Variants in ZNF385D observed in about 807,000 individuals in gnomAD.
The protein encoded by ZNF385D is zinc finger protein 385D.
In ZNF385D, 15 loss-of-function variants were observed where a neutral mutation model predicts 35.8. That is an observed-to-expected ratio of 0.42 (90% CI 0.28 to 0.64). ZNF385D has a LOEUF of 0.64. ZNF385D is among the 30% of genes least tolerant of loss of function. ZNF385D has a pLI of 0.23. For missense variants in ZNF385D, 474 were observed against 494.6 expected (o/e 0.96, Z 0.39); for synonymous variants, 212 against 186.8 (o/e 1.13, Z -1.10).
At chr3:21,563,236 G>C (rs1392932008) in intron 3 of ZNF385D, 1 of 152,258 alleles carries the variant, frequency 6.6e-6, no homozygotes, top group East Asian at 1.9e-4. Context: ...AATATGCCAT[G>C]TGGGAACCAG....
At chr3:22,227,573 G>T (rs1325779785) in intron 2 of ZNF385D, among the ~76,000 whole-genome samples, 1 of 152,072 alleles carries the variant, frequency 6.6e-6, no homozygotes, top group East Asian at 1.9e-4. Context: ...AAGTGAGGTA[G>T]GATGCAGAAC....
intron 3 of ZNF385D, among the ~76,000 whole-genome samples, chr3:22,125,828 T>C (rs1165946666): frequency 6.6e-6 from 1 of 152,110 alleles, no homozygotes; most frequent in Non-Finnish European, 1.5e-5. Flanking sequence ...AGTCTTTAGG[T>C]ATTTCCAAAT....
intron 3 of ZNF385D, among the ~76,000 whole-genome samples, chr3:21,909,664 A>C (rs1295919616): frequency 6.6e-6 from 1 of 152,054 alleles, no homozygotes; most frequent in East Asian, 1.9e-4. Context: ...TAGCAGGAAT[A>C]GCATAGGCTT....
intron 2 of ZNF385D, among the ~76,000 whole-genome samples, chr3:22,257,886 T>C (rs530962345): frequency 9.2e-5 from 14 of 151,974 alleles, no homozygotes; most frequent in African/African-American, 2.9e-4. Flanking sequence ...TCTAGTGATA[T>C]TTTTAAAAAA....
intron 3 of ZNF385D, among the ~76,000 whole-genome samples, chr3:21,540,430 A>C (rs1393952484): frequency 6.6e-6 from 1 of 152,220 alleles, no homozygotes; most frequent in Admixed American, 6.5e-5. Flanking sequence ...ATGTGCACTG[A>C]TGAGCTGATC....
chr3:21,643,438 C>A (rs2065662544), intron 2 of ZNF385D, among the ~76,000 whole-genome samples: 2 of 152,194 alleles, frequency 1.3e-5, no homozygotes, highest in Middle Eastern at 3.4e-3. Context: ...ACCCTAACAC[C>A]AGGAAGGACT....
chr3:22,081,737 G>A (rs947693376), intron 3 of ZNF385D, among the ~76,000 whole-genome samples: 1 of 152,106 alleles, frequency 6.6e-6, no homozygotes, highest in Non-Finnish European at 1.5e-5. Flanking sequence ...GAGTAGTTAT[G>A]ACAAAGACTC....
At chr3:21,625,003 T>C (rs1402468815) in intron 2 of ZNF385D, among the ~76,000 whole-genome samples, 1 of 152,036 alleles carries the variant, frequency 6.6e-6, no homozygotes, top group Admixed American at 6.6e-5. Context: ...CATGTATAAA[T>C]ATTCTCATAA....
At chr3:21,602,444 A>C (rs368958149) in intron 2 of ZNF385D, among the ~76,000 whole-genome samples, 5 of 151,138 alleles carry the variant, frequency 3.3e-5, no homozygotes, top group Middle Eastern at 6.9e-3. Context: ...GCAGTGATGG[A>C]GACCCAAGTA....
intron 2 of ZNF385D, among the ~76,000 whole-genome samples, chr3:22,337,850 G>C (rs1469960856): frequency 6.6e-6 from 1 of 152,222 alleles, no homozygotes; most frequent in East Asian, 1.9e-4. Context: ...TCACTGTTTT[G>C]TTTCCCATAC....
intron 3 of ZNF385D, among the ~76,000 whole-genome samples, chr3:21,818,313 A>G (rs1198715809): frequency 6.6e-6 from 1 of 152,230 alleles, no homozygotes; most frequent in Non-Finnish European, 1.5e-5. Flanking sequence ...TATGTACTCT[A>G]GAACATAAGG....
At chr3:21,970,655 A>G (rs1352009511) in intron 3 of ZNF385D, among the ~76,000 whole-genome samples, 5 of 152,126 alleles carry the variant, frequency 3.3e-5, no homozygotes, top group Admixed American at 2.0e-4. Flanking sequence ...ATTCAAAAAC[A>G]TAATAATAGA....
intron 1 of ZNF385D, among the ~76,000 whole-genome samples, chr3:21,726,288 C>G (rs185130431): frequency 2.0e-3 from 312 of 152,314 alleles, no homozygotes; most frequent in African/African-American, 7.3e-3. Context: ...TGCCCTCTCT[C>G]ACCACTCCTA....
intron 2 of ZNF385D, among the ~76,000 whole-genome samples, chr3:22,364,204 G>C (rs1696546433): frequency 6.6e-6 from 1 of 151,964 alleles, no homozygotes; most frequent in African/African-American, 2.4e-5. Context: ...AATAAGCAAT[G>C]AGTTTTGGGA....
In ZNF385D at chr3:21,573,330, TTA is replaced by T. The variant is rs1428987602; in HGVS notation, c.166-8648_166-8647del. On this transcript the variant is annotated intron_variant, in intron 2 of 7. Coordinates refer to ENST00000281523, the MANE Select transcript of ZNF385D (RefSeq NM_024697.3). Reference sequence around the variant, plus strand: ...CCAGTAAAAATACAAAATGTACTGGTTAAAGTGAAAATAAAATTTAAAATAAC... The same window carrying T: ...CCAGTAAAAATACAAAATGTACTGGTAAGTGAAAATAAAATTTAAAATAAC... 2.0e-5 allele frequency among the ~76,000 whole-genome samples: 3 copies of T among 152,188 alleles called. No individual in the cohort carries two copies. In the East Asian group the frequency reaches 5.8e-4, roughly 29 times the overall value.
chr3:21,724,477 C>CAAAAAAAAAAAAAAAAAAAAAAAA (rs200803155), intron 1 of ZNF385D, among the ~76,000 whole-genome samples: 2 of 52,016 alleles, frequency 3.8e-5, no homozygotes, highest in African/African-American at 1.6e-4. Context: ...AATGGAAAGC[C>CAAAAAAAAAAAAAAAAAAAAAAAA]AAAAAAAAAA....
chr3:21,862,001 C>A (rs12486502), intron 3 of ZNF385D, among the ~76,000 whole-genome samples: 2 of 152,026 alleles, frequency 1.3e-5, no homozygotes, highest in Non-Finnish European at 2.9e-5. Flanking sequence ...CTAACACTAA[C>A]GCTCTATCAT....
chr3:21,751,734 T>G (rs1213677001), upstream of ZNF385D, among the ~76,000 whole-genome samples: 1 of 152,210 alleles, frequency 6.6e-6, no homozygotes, highest in South Asian at 2.1e-4. Context: ...AAGCTAGTAC[T>G]TGGTGAAGTG....
chr3:22,172,894 T>C (rs1694560685), intron 2 of ZNF385D, among the ~76,000 whole-genome samples: 1 of 152,192 alleles, frequency 6.6e-6, no homozygotes, highest in African/African-American at 2.4e-5. Context: ...TCTTTAAGTA[T>C]AGGTTATGCT....
Sources: gnomAD v4.1 joint callset for allele counts (sites outside exome capture counted in the v4.1 genomes callset) on GRCh38, gnomAD v4.1.1 for gene constraint, MANE v1.5 for transcripts, NCBI Gene and HGNC (gene_info 2026-07-23, HGNC 2026-07-21) for gene names.